The following MET variants were observed in gnomAD, a reference collection of about 807,000 sequenced individuals.
MET encodes hepatocyte growth factor receptor.
Under a neutral mutation model 133.1 loss-of-function variants are expected in MET, and 48 were observed. That is an observed-to-expected ratio of 0.36 (90% CI 0.29 to 0.46). MET has a LOEUF of 0.46. Ranked by LOEUF, MET falls within the 20% of genes least tolerant of loss-of-function variation. The pLI, the probability that MET is intolerant of heterozygous loss-of-function variation, is 1.00. For synonymous variants in MET, 628 were observed against 616.5 expected, an observed-to-expected ratio of 1.02 and a Z score of -0.28; for missense variants, 1,442 against 1,695.9, an observed-to-expected ratio of 0.85 and a Z score of 2.63.
Position 116,763,181 on chromosome 7 carries a change from T to C in MET, c.2496T>C (p.Asp832=), listed in dbSNP as rs769035394. 7 of 1,613,962 alleles carry C rather than the reference T, an allele frequency of 4.3e-6. No individual in the cohort carries two copies. The Admixed American group carries it at 1.2e-4, about 27-fold the overall frequency. ...MLDGILSKYF[D]LIYVHNPVFK... ...ATGGGATCCTTTCCAAATACTTTGATCTCATTTATGTACATAATCCTGTGT... is the reference window on the plus strand; with the variant it reads ...ATGGGATCCTTTCCAAATACTTTGACCTCATTTATGTACATAATCCTGTGT... Residue 832 remains aspartate (D), a synonymous_variant, in exon 11 of 21, where the codon GAT becomes GAC. Coordinates refer to ENST00000397752, the MANE Select transcript of MET (RefSeq NM_000245.4).
chr7:116,757,992 G>A (rs1478123754), intron 8 of MET, among the ~76,000 whole-genome samples: 1 of 151,954 alleles, frequency 6.6e-6, no homozygotes, highest in African/African-American at 2.4e-5. Flanking sequence ...CTACTTTTCA[G>A]TTTTGTCTTC....
chr7:116,786,132 T>C (rs1795306098), intron 19 of MET, among the ~76,000 whole-genome samples: 1 of 152,252 alleles, frequency 6.6e-6, no homozygotes, highest in Non-Finnish European at 1.5e-5. Context: ...GAGGGCTCTC[T>C]TCCTGGCCTA....
chr7:116,692,415 C>T (rs1301726121), intron 1 of MET, among the ~76,000 whole-genome samples: 7 of 152,114 alleles, frequency 4.6e-5, no homozygotes, highest in African/African-American at 9.7e-5. Context: ...GGGTTTTTTC[C>T]TGAGGAATCG....
In MET at chr7:116,759,463, G is replaced by A. The variant is rs863224377; in HGVS notation, c.2337G>A (p.Val779=). The A allele has an allele frequency of 1.2e-6, 2 of 1,613,652 alleles. No homozygotes were observed. Among genetic ancestry groups the A allele is most frequent in the Non-Finnish European group, 8.5e-7 (1 of 1,179,802 alleles). ...GTGTCCCGAGAATGGTCATAAATGTGCATGAAGCAGGAAGGAACTTTACAG... is the reference window on the plus strand; with the variant it reads ...GTGTCCCGAGAATGGTCATAAATGTACATGAAGCAGGAAGGAACTTTACAG... ...SVSVPRMVIN[V]HEAGRNFTVA... Residue 779 remains valine, a synonymous_variant, in exon 10 of 21, where the codon GTG becomes GTA. Transcript: ENST00000397752.
chr7:116,684,542 G>A (rs942055633), intron 1 of MET, among the ~76,000 whole-genome samples: 1 of 152,218 alleles, frequency 6.6e-6, no homozygotes, highest in Non-Finnish European at 1.5e-5. Flanking sequence ...AGATGCATCA[G>A]AGAAGGCTTC....
At chr7:116,790,185 G>T (rs905695443) in intron 19 of MET, among the ~76,000 whole-genome samples, 1 of 152,064 alleles carries the variant, frequency 6.6e-6, no homozygotes, top group African/African-American at 2.4e-5. Context: ...GTACAGTATT[G>T]TTAACTATGT....
chr7:116,764,294 C>T (rs376674015), intron 11 of MET, among the ~76,000 whole-genome samples: 3 of 152,222 alleles, frequency 2.0e-5, no homozygotes, highest in Admixed American at 1.3e-4. Flanking sequence ...TGAATGGAAG[C>T]CCGCTTCAAT....
At chr7:116,743,783 G>A (rs1237842304) in intron 5 of MET, among the ~76,000 whole-genome samples, 2 of 152,200 alleles carry the variant, frequency 1.3e-5, no homozygotes, top group African/African-American at 4.8e-5. Flanking sequence ...TCACACAGGA[G>A]AGCTCTGGCT....
chr7:116,754,583 G>A (rs1794051867), intron 5 of MET, among the ~76,000 whole-genome samples: 1 of 151,992 alleles, frequency 6.6e-6, no homozygotes, highest in Non-Finnish European at 1.5e-5. Context: ...CACTTTGGGA[G>A]GCCAAGGCAG....
intron 2 of MET, among the ~76,000 whole-genome samples, chr7:116,723,834 G>T (rs1792609425): frequency 6.6e-6 from 1 of 152,214 alleles, no homozygotes; most frequent in South Asian, 2.1e-4. Context: ...GAGGCAGTCT[G>T]CCCATTCTCA....
At chr7:116,748,905 G>C (rs1793806679) in intron 5 of MET, among the ~76,000 whole-genome samples, 1 of 152,116 alleles carries the variant, frequency 6.6e-6, no homozygotes, top group African/African-American at 2.4e-5. Flanking sequence ...ACTAAACTAG[G>C]AAGAAGTTGA....
At position 116,694,679 on chromosome 7, in the gene MET, T is replaced by C. The variant is rs556877595; in HGVS notation, c.-14-4392T>C. 1.1e-3 allele frequency among the ~76,000 whole-genome samples: 173 copies of C among 152,218 alleles called. 1 individual carries two copies. The highest frequency in any genetic ancestry group is 3.5e-3 in the Admixed American group (54 of 15,280). ...ACATAATTTAATATAATATCTCTAATTTTTTTGTTTTTGTTTTTATTTTTT... is the reference window on the plus strand; with the variant it reads ...ACATAATTTAATATAATATCTCTAACTTTTTTGTTTTTGTTTTTATTTTTT... On this transcript the variant is annotated intron_variant, in intron 1 of 20. Transcript: ENST00000397752.
At chr7:116,744,602 T>C (rs1358742985) in intron 5 of MET, among the ~76,000 whole-genome samples, 1 of 152,176 alleles carries the variant, frequency 6.6e-6, no homozygotes, top group African/African-American at 2.4e-5. Flanking sequence ...TGGAACCAAG[T>C]TGGAAAACAC....
chr7:116,705,244 C>G (rs1240769804), intron 2 of MET, among the ~76,000 whole-genome samples: 1 of 151,958 alleles, frequency 6.6e-6, no homozygotes, highest in Non-Finnish European at 1.5e-5. Context: ...ATCAGGAAAC[C>G]ACAAGGACCG....
intron 5 of MET, among the ~76,000 whole-genome samples, chr7:116,754,873 A>G (rs938678247): frequency 2.2e-4 from 30 of 137,650 alleles, no homozygotes; most frequent in African/African-American, 7.5e-4. Flanking sequence ...AAAAGAAAGA[A>G]AGAGAGAGAG....
intron 5 of MET, among the ~76,000 whole-genome samples, chr7:116,745,353 C>T (rs1442929368): frequency 6.6e-6 from 1 of 152,092 alleles, no homozygotes; most frequent in Non-Finnish European, 1.5e-5. Context: ...GGCCATACTG[C>T]CCAAGGTAAT....
rs1444020594 is a variant in MET, at chr7:116,699,750, G to C, written c.666G>C (p.Thr222=). Residue 222 remains threonine (T), a synonymous_variant, in exon 2 of 21, where the codon ACG becomes ACC. Transcript: ENST00000397752. ...TATCAGTGAGAAGGCTAAAGGAAAC[G>C]AAAGATGGTTTTATGTTTTTGACGG... ...HSISVRRLKE[T]KDGFMFLTDQ... is the part of the protein sequence containing the mutation. 1.2e-6 allele frequency: 2 copies of C among 1,614,092 alleles called. No homozygotes were observed. The highest frequency in any genetic ancestry group is 1.7e-5 in the Admixed American group (1 of 60,010).
chr7:116,790,474 T>C (rs1795450913), intron 19 of MET, among the ~76,000 whole-genome samples: 2 of 152,250 alleles, frequency 1.3e-5, no homozygotes, highest in African/African-American at 4.8e-5. Context: ...AATATTCCAT[T>C]GTACATATAT....
At chr7:116,769,864 TA>T in intron 12 of MET, 73 bp downstream of exon 12, 1 of 1,597,776 alleles carries the variant, frequency 6.3e-7, no homozygotes. Flanking sequence ...AGGCTTAAAA[TA>T]AATCATTAAA....
Sources: gnomAD v4.1 joint callset for allele counts (sites outside exome capture counted in the v4.1 genomes callset) on GRCh38, gnomAD v4.1.1 for gene constraint, MANE v1.5 for transcripts, NCBI Gene and HGNC (gene_info 2026-07-23, HGNC 2026-07-21) for gene names.